SYNJ2BP: variants seen among roughly 807,000 people sequenced by gnomAD.
SYNJ2BP encodes the protein synaptojanin-2-binding protein.
SYNJ2BP carries 10 observed loss-of-function variants against 16.9 expected under a neutral mutation model. That is an observed-to-expected ratio of 0.59 (90% CI 0.36 to 1.00). SYNJ2BP has a LOEUF of 1.00. Among genes scored for constraint, SYNJ2BP ranks in the 50% least tolerant of loss-of-function variants. The pLI is 0.01. For synonymous variants in SYNJ2BP, 54 were observed against 68.4 expected (o/e 0.79, Z 1.04); for missense variants, 162 against 186.7 (o/e 0.87, Z 0.77).
chr14:70,380,467 C>T (rs369802692), intron 2 of SYNJ2BP, among the ~76,000 whole-genome samples: 32 of 151,836 alleles, frequency 2.1e-4, no homozygotes, highest in South Asian at 4.2e-4. Context: ...TTCGAGACCA[C>T]CCTGACCAAC....
intron 1 of SYNJ2BP, among the ~76,000 whole-genome samples, chr14:70,398,066 T>C (rs1408002649): frequency 3.7e-5 from 2 of 53,936 alleles, no homozygotes; most frequent in Non-Finnish European, 1.2e-4. Context: ...CTCCTCTCTG[T>C]AGGCAGGTCA....
chr14:70,388,409 G>T (rs1887906384), intron 2 of SYNJ2BP, 61 bp downstream of exon 2: 1 of 1,416,106 alleles, frequency 7.1e-7, no homozygotes, highest in Non-Finnish European at 9.3e-7. Context: ...GGGATAGGGA[G>T]GGGTAGGACC....
chr14:70,410,596 A>G (rs372452958), intron 1 of SYNJ2BP, among the ~76,000 whole-genome samples: 10 of 152,318 alleles, frequency 6.6e-5, no homozygotes, highest in African/African-American at 2.4e-4. Flanking sequence ...CCATAACAGC[A>G]AAGAGATCGA....
intron 1 of SYNJ2BP, among the ~76,000 whole-genome samples, chr14:70,393,925 A>T (rs1339743040): frequency 6.6e-6 from 1 of 151,770 alleles, no homozygotes; most frequent in Non-Finnish European, 1.5e-5. Context: ...CCTATGTAAC[A>T]AACCTGCACG....
chr14:70,398,135 C>T (rs1888147738), intron 1 of SYNJ2BP, among the ~76,000 whole-genome samples: 1 of 151,790 alleles, frequency 6.6e-6, no homozygotes, highest in Non-Finnish European at 1.5e-5. Context: ...GCTGGTCATC[C>T]CATCTTCTCT....
intron 1 of SYNJ2BP, among the ~76,000 whole-genome samples, chr14:70,415,487 G>C (rs1888584302): frequency 6.6e-6 from 1 of 150,982 alleles, no homozygotes; most frequent in Non-Finnish European, 1.5e-5. Context: ...AGAGGGAGAG[G>C]CTGCAGTGGG....
chr14:70,377,942 T>G (rs1887668588), intron 2 of SYNJ2BP, among the ~76,000 whole-genome samples: 2 of 152,250 alleles, frequency 1.3e-5, no homozygotes, highest in Non-Finnish European at 2.9e-5. Flanking sequence ...TCATTCTCTA[T>G]TCCCCTGTAA....
rs201249676 is a variant in SYNJ2BP at position 70,375,582 on chromosome 14, CA to C, written c.297+93del. On this transcript the variant is annotated intron_variant, in intron 3 of 3. Coordinates refer to ENST00000256366, the MANE Select transcript of SYNJ2BP (RefSeq NM_018373.3). ...ACTCTTCAGGGGAGTGAGGGTAAAA[CA>C]AAAAGCAACACTGAAGATTACACAC... The C allele has an allele frequency of 8.7e-3, 12,681 of 1,459,822 alleles. 156 individuals are homozygous for C. The highest frequency in any genetic ancestry group is 0.041 in the South Asian group (2,783 of 68,566). The allele number at this position is 1,459,822 out of a possible 1,614,324, so 90.4% of individuals were successfully genotyped here. A position where few individuals can be genotyped will look rare whatever the true frequency, so the allele number is the denominator to read the frequency against.
chr14:70,371,087 A>C lies in SYNJ2BP; in HGVS notation c.*1904T>G, dbSNP rs894636409. The stretch of plus-strand genomic sequence containing the variant: ...ACAGTTGATTGCCTGAGTCCTGATA[A>C]TCTTGCTAACAAAATTATAAAAGGC... On this transcript the variant is annotated 3_prime_UTR_variant, in exon 4 of 4. Transcript: ENST00000256366. 1 of 152,248 alleles carries C rather than the reference A, an allele frequency of 6.6e-6. No individual in the cohort carries two copies. The highest frequency in any genetic ancestry group is 2.4e-5 in the African/African-American group (1 of 41,468). The allele number at this position is 152,248 out of a possible 1,614,324, so 9.4% of individuals were successfully genotyped here.
chr14:70,367,891 T>G lies in SYNJ2BP; in HGVS notation c.*5100A>C, dbSNP rs1341866932. Reference sequence around the variant, plus strand: ...AATTTCAGCTTAGAGTGACTAAGTGTTATTTATCTCTCTATCTTCGGCACC... The same window carrying G: ...AATTTCAGCTTAGAGTGACTAAGTGGTATTTATCTCTCTATCTTCGGCACC... On this transcript the variant is annotated 3_prime_UTR_variant, in exon 4 of 4. Coordinates refer to ENST00000256366, the MANE Select transcript of SYNJ2BP (RefSeq NM_018373.3). 1 of 152,206 alleles carries G rather than the reference T, an allele frequency of 6.6e-6. No individual in the cohort carries two copies. Among genetic ancestry groups the G allele is most frequent in the East Asian group, 1.9e-4 (1 of 5,202 alleles). 9.4% of individuals were successfully genotyped at this position (152,206 alleles called of 1,614,324 possible).
At chr14:70,390,036 T>C (rs117304237) in intron 1 of SYNJ2BP, among the ~76,000 whole-genome samples, 3,409 of 151,782 alleles carry the variant, frequency 0.022, 56 homozygotes, top group South Asian at 0.046. Context: ...TAAGTGTTCC[T>C]ACCACAGTAA....
intron 2 of SYNJ2BP, among the ~76,000 whole-genome samples, chr14:70,378,980 C>T (rs61977551): frequency 0.051 from 7,700 of 151,408 alleles, 269 homozygotes; most frequent in Middle Eastern, 0.11. Flanking sequence ...CCTCTGGCAA[C>T]ATGTGGATTA....
At chr14:70,401,857 C>G (rs1161869587) in intron 1 of SYNJ2BP, among the ~76,000 whole-genome samples, 1 of 151,924 alleles carries the variant, frequency 6.6e-6, no homozygotes, top group African/African-American at 2.4e-5. Context: ...TGCTATTTTG[C>G]CCAGGCTGGT....
At chr14:70,403,356 C>A (rs1160169682) in intron 1 of SYNJ2BP, among the ~76,000 whole-genome samples, 1 of 152,150 alleles carries the variant, frequency 6.6e-6, no homozygotes, top group Non-Finnish European at 1.5e-5. Context: ...GGCGTTTAAA[C>A]CAGAGCAACT....
At chr14:70,385,295 T>C (rs1435559072) in intron 2 of SYNJ2BP, among the ~76,000 whole-genome samples, 1 of 152,120 alleles carries the variant, frequency 6.6e-6, no homozygotes, top group Non-Finnish European at 1.5e-5. Flanking sequence ...TTTATTTCCT[T>C]ATTTCTGATT....
rs2140803425 is a variant in SYNJ2BP, at chr14:70,372,764, C to T, written c.*227G>A. ...AAAAGTCCTAGTAAAATATATAACT[C>T]CTCATTTGTTCTAAGCCAAGTCTTT... is the stretch of plus-strand genomic sequence containing the variant. On this transcript the variant is annotated 3_prime_UTR_variant, in exon 4 of 4. Transcript: ENST00000256366. 1.8e-6 allele frequency: 1 copy of T among 544,778 alleles called. No homozygotes were observed. Among genetic ancestry groups the T allele is most frequent in the Non-Finnish European group, 3.1e-6 (1 of 325,354 alleles). 33.7% of individuals were successfully genotyped at this position (544,778 alleles called of 1,614,324 possible).
chr14:70,375,933 T>G (rs1423855384), intron 2 of SYNJ2BP, among the ~76,000 whole-genome samples, 162 bp from the exon 3 acceptor site: 1 of 152,244 alleles, frequency 6.6e-6, no homozygotes, highest in Non-Finnish European at 1.5e-5. Flanking sequence ...AGAACTTTTT[T>G]CATTTTCAAA....
intron 1 of SYNJ2BP, among the ~76,000 whole-genome samples, chr14:70,403,738 A>G (rs1888289339): frequency 6.6e-6 from 1 of 152,242 alleles, no homozygotes; most frequent in Admixed American, 6.5e-5. Context: ...TGCTCTGCCT[A>G]TGGATTAGAC....
chr14:70,394,454 T>C (rs1283321208), intron 1 of SYNJ2BP, among the ~76,000 whole-genome samples: 3 of 143,214 alleles, frequency 2.1e-5, no homozygotes, highest in Non-Finnish European at 4.5e-5. Flanking sequence ...AGACTGGGAT[T>C]CAACTTTTTT....
Sources: gnomAD v4.1 joint callset for allele counts (sites outside exome capture counted in the v4.1 genomes callset) on GRCh38, gnomAD v4.1.1 for gene constraint, MANE v1.5 for transcripts, NCBI Gene and HGNC (gene_info 2026-07-23, HGNC 2026-07-21) for gene names.